Variants in CNTNAP2 observed in about 807,000 individuals in gnomAD.
The protein encoded by CNTNAP2 is contactin associated protein 2, also known as contactin-associated protein-like 2.
CNTNAP2 carries 98 observed loss-of-function variants against 155.2 expected under a neutral mutation model. The ratio of observed to expected loss-of-function variants is 0.63; its 90% CI spans 0.54 to 0.75. The LOEUF (loss-of-function observed/expected upper bound fraction) is 0.75. CNTNAP2 is among the 30% of genes least tolerant of loss of function. The probability of loss-of-function intolerance (pLI) is 0.00; values close to 1 mark genes in which losing one functional copy is unlikely to be tolerated. For synonymous variants in CNTNAP2, 651 were observed against 631.2 expected, an observed-to-expected ratio of 1.03 and a Z score of -0.47; for missense variants, 1,727 against 1,688.1, an observed-to-expected ratio of 1.02 and a Z score of -0.40.
intron 1 of CNTNAP2, among the ~76,000 whole-genome samples, chr7:146,129,509 A>C (rs1402912059): frequency 6.6e-6 from 1 of 152,188 alleles, no homozygotes; most frequent in Non-Finnish European, 1.5e-5. Context: ...TACTGTGTCA[A>C]CTGCTCCCTA....
intron 1 of CNTNAP2, among the ~76,000 whole-genome samples, chr7:146,465,323 A>G (rs1482049034): frequency 6.6e-6 from 1 of 152,104 alleles, no homozygotes; most frequent in African/African-American, 2.4e-5. Context: ...AGCAAAAAGG[A>G]CTCAGATTGT....
chr7:146,268,453 A>G (rs1225617641), intron 1 of CNTNAP2, among the ~76,000 whole-genome samples: 1 of 152,202 alleles, frequency 6.6e-6, no homozygotes, highest in Non-Finnish European at 1.5e-5. Context: ...TTGCAAAGGA[A>G]TTAAAAAACA....
chr7:146,514,666 T>C (rs1266726236), intron 1 of CNTNAP2, among the ~76,000 whole-genome samples: 1 of 152,070 alleles, frequency 6.6e-6, no homozygotes, highest in African/African-American at 2.4e-5. Flanking sequence ...AGTTTTGTTT[T>C]TTTTTTCTTC....
chr7:147,841,626 C>T (rs1798733051), intron 13 of CNTNAP2, among the ~76,000 whole-genome samples: 1 of 152,128 alleles, frequency 6.6e-6, no homozygotes, highest in African/African-American at 2.4e-5. Flanking sequence ...GATATTCAGG[C>T]CCTGCTAAAG....
At chr7:146,682,724 G>T (rs888347966) in intron 1 of CNTNAP2, among the ~76,000 whole-genome samples, 1 of 152,012 alleles carries the variant, frequency 6.6e-6, no homozygotes, top group Non-Finnish European at 1.5e-5. Flanking sequence ...AAAGATTTTT[G>T]GTCAACAGAC....
chr7:146,550,631 C>G (rs1057346979), intron 1 of CNTNAP2, among the ~76,000 whole-genome samples: 1 of 151,826 alleles, frequency 6.6e-6, no homozygotes, highest in African/African-American at 2.4e-5. Context: ...ATAGCTTGTG[C>G]AATTACAATG....
intron 21 of CNTNAP2, among the ~76,000 whole-genome samples, chr7:148,374,676 C>T (rs1192876485): frequency 9.2e-5 from 14 of 152,164 alleles, no homozygotes. Context: ...TTGGTAATTT[C>T]GTACACAGGA....
At chr7:148,414,625 A>G (rs1799935317) in intron 23 of CNTNAP2, 1 of 152,178 alleles carries the variant, frequency 6.6e-6, no homozygotes, top group Non-Finnish European at 1.5e-5. Context: ...GTCAAGTGAC[A>G]TTTTGCTACA....
chr7:146,895,203 CT>C (rs770564321), intron 3 of CNTNAP2, among the ~76,000 whole-genome samples: 4 of 151,020 alleles, frequency 2.6e-5, no homozygotes, highest in Non-Finnish European at 4.4e-5. Context: ...ACATCCTTCC[CT>C]TCCTTCCTTC....
At chr7:146,766,975 T>A (rs1005340855) in intron 1 of CNTNAP2, among the ~76,000 whole-genome samples, 1 of 152,160 alleles carries the variant, frequency 6.6e-6, no homozygotes, top group Non-Finnish European at 1.5e-5. Flanking sequence ...GGCAGATGAA[T>A]TTATTGTATT....
At chr7:146,270,367 A>G (rs1800061613) in intron 1 of CNTNAP2, among the ~76,000 whole-genome samples, 1 of 152,144 alleles carries the variant, frequency 6.6e-6, no homozygotes, top group Non-Finnish European at 1.5e-5. Context: ...ATTAAGGGCA[A>G]TTGAGTGGCC....
chr7:147,642,470 C>G (rs185949457), intron 13 of CNTNAP2, among the ~76,000 whole-genome samples: 1 of 151,930 alleles, frequency 6.6e-6, no homozygotes, highest in Non-Finnish European at 1.5e-5. Context: ...TTCTTTCCCC[C>G]TCATTGACAT....
chr7:148,012,602 A>G (rs1160564567), intron 15 of CNTNAP2, among the ~76,000 whole-genome samples: 4 of 152,212 alleles, frequency 2.6e-5, no homozygotes, highest in African/African-American at 9.7e-5. Context: ...AGAGTTGAAG[A>G]CTATTTTCTG....
At position 146,533,107 on chromosome 7, in the gene CNTNAP2, C is replaced by CAAAAAAAAAA. The variant is rs553035616; in HGVS notation, c.98-241145_98-241136dup. ...ACTGAGGGAGAGGGAGACCCTGTCT[C>CAAAAAAAAAA]AAAAAAAAAAAAAAAAAAAAAAAAA... On this transcript the variant is annotated intron_variant, in intron 1 of 23. Transcript: ENST00000361727. 2.4e-3 allele frequency among the ~76,000 whole-genome samples: 116 copies of CAAAAAAAAAA among 47,854 alleles called. 3 individuals are homozygous for CAAAAAAAAAA. The highest frequency in any genetic ancestry group is 4.7e-3 in the African/African-American group (69 of 14,698). The allele number at this position is 47,854 out of a possible 152,430, so 31.4% of individuals were successfully genotyped here.
At chr7:148,311,574 C>A (rs892353307) in intron 21 of CNTNAP2, among the ~76,000 whole-genome samples, 4 of 152,094 alleles carry the variant, frequency 2.6e-5, no homozygotes, top group African/African-American at 7.2e-5. Context: ...GTTGCCAGTC[C>A]TGGGCGGGGG....
At chr7:148,187,987 A>C (rs1000975512) in intron 18 of CNTNAP2, among the ~76,000 whole-genome samples, 1 of 151,962 alleles carries the variant, frequency 6.6e-6, no homozygotes, top group African/African-American at 2.4e-5. Flanking sequence ...CCCCGCATAC[A>C]TGCGTGCACA....
intron 8 of CNTNAP2, among the ~76,000 whole-genome samples, chr7:147,208,201 G>C (rs1803060268): frequency 6.6e-6 from 1 of 152,062 alleles, no homozygotes; most frequent in Non-Finnish European, 1.5e-5. Context: ...ATAGGAATGT[G>C]AGTCCCAGGT....
At chr7:148,234,814 A>C (rs1171966311) in intron 20 of CNTNAP2, among the ~76,000 whole-genome samples, 1 of 152,224 alleles carries the variant, frequency 6.6e-6, no homozygotes, top group Non-Finnish European at 1.5e-5. Context: ...CATGACAATC[A>C]CACATTTTTG....
chr7:148,035,049 G>A (rs368872744), intron 15 of CNTNAP2, among the ~76,000 whole-genome samples: 3 of 152,178 alleles, frequency 2.0e-5, no homozygotes, highest in East Asian at 3.8e-4. Flanking sequence ...AAATTTCTAA[G>A]CAAAATATTG....
Sources: gnomAD v4.1 joint callset for allele counts (sites outside exome capture counted in the v4.1 genomes callset) on GRCh38, gnomAD v4.1.1 for gene constraint, MANE v1.5 for transcripts, NCBI Gene and HGNC (gene_info 2026-07-23, HGNC 2026-07-21) for gene names.